BMPER: variants seen among roughly 807,000 people sequenced by gnomAD.
BMPER encodes BMP binding endothelial regulator.
Under a neutral mutation model 87.3 loss-of-function variants are expected in BMPER, and 45 were observed. The observed-to-expected ratio is 0.52, with a 90% CI of 0.41 to 0.66. The LOEUF is 0.66. Among genes scored for constraint, BMPER ranks in the 30% least tolerant of loss-of-function variants. BMPER has a pLI of 0.00. For synonymous variants in BMPER, 326 were observed against 316.2 expected, an observed-to-expected ratio of 1.03 and a Z score of -0.33; for missense variants, 784 against 867.5, an observed-to-expected ratio of 0.90 and a Z score of 1.21.
chr7:34,032,679 T>C (rs1046327051), intron 6 of BMPER, among the ~76,000 whole-genome samples: 3 of 152,186 alleles, frequency 2.0e-5, no homozygotes, highest in African/African-American at 7.2e-5. Context: ...AACAATTTTG[T>C]TTCAAACACT....
chr7:34,072,384 C>T (rs909695951), intron 11 of BMPER, among the ~76,000 whole-genome samples: 2 of 151,708 alleles, frequency 1.3e-5, no homozygotes, highest in African/African-American at 2.4e-5. Flanking sequence ...GGGCTAAAAT[C>T]GAGGTGTCAG....
chr7:33,968,227 C>T (rs1785453288), intron 4 of BMPER, among the ~76,000 whole-genome samples: 1 of 152,178 alleles, frequency 6.6e-6, no homozygotes, highest in African/African-American at 2.4e-5. Context: ...CTTTCTAAAA[C>T]CTTGCCTGTG....
Position 33,939,943 on chromosome 7 carries a change from G to A in BMPER, c.319+2555G>A, listed in dbSNP as rs141058401. ...CCTTTGTTTTCTCTCTTTCTACCTC[G>A]TAATACAGTGCTTGTCTCAAGGGTT... On this transcript the variant is annotated intron_variant, in intron 3 of 14. Transcript: ENST00000649409. 1,241 of 295,920 alleles carry A rather than the reference G, an allele frequency of 4.2e-3. 16 individuals carry two copies. The highest frequency in any genetic ancestry group is 0.022 in the African/African-American group (1,010 of 45,752). The allele number at this position is 295,920 out of a possible 1,614,324, so 18.3% of individuals were successfully genotyped here. A position where few individuals can be genotyped will look rare whatever the true frequency, so the allele number is the denominator to read the frequency against.
At chr7:34,126,898 G>A (rs1173211231) in intron 13 of BMPER, among the ~76,000 whole-genome samples, 2 of 152,152 alleles carry the variant, frequency 1.3e-5, no homozygotes, top group Admixed American at 1.3e-4. Context: ...CATCCTATGA[G>A]TGACTAAGCA....
At chr7:34,039,010 C>T (rs953488111) in intron 6 of BMPER, among the ~76,000 whole-genome samples, 3 of 152,192 alleles carry the variant, frequency 2.0e-5, no homozygotes, top group Admixed American at 6.5e-5. Context: ...TGTCTCCACC[C>T]GCACTGTTTC....
chr7:34,051,827 G>T, intron 7 of BMPER, 34 bp from the exon 8 acceptor site: 2 of 1,547,520 alleles, frequency 1.3e-6, no homozygotes, highest in South Asian at 2.2e-5. Context: ...CCCCGATTCT[G>T]TCTTACTTAC....
chr7:34,131,602 G>C (rs1411316620), intron 13 of BMPER, among the ~76,000 whole-genome samples: 1 of 152,198 alleles, frequency 6.6e-6, no homozygotes, highest in Non-Finnish European at 1.5e-5. Flanking sequence ...GGTGACTGCT[G>C]CGTGTGGCTG....
chr7:34,087,193 G>A (rs80205324), intron 13 of BMPER, among the ~76,000 whole-genome samples: 2,048 of 152,222 alleles, frequency 0.013, 42 homozygotes, highest in African/African-American at 0.045. Flanking sequence ...ATTTGGCTCC[G>A]AGTCATGGGT....
chr7:34,031,631 T>C (rs1372358795), intron 6 of BMPER, among the ~76,000 whole-genome samples: 1 of 151,706 alleles, frequency 6.6e-6, no homozygotes, highest in Non-Finnish European at 1.5e-5. Flanking sequence ...AAATATACTT[T>C]GACTGGCTAA....
At chr7:34,111,471 G>A (rs1288761306) in intron 13 of BMPER, among the ~76,000 whole-genome samples, 1 of 152,210 alleles carries the variant, frequency 6.6e-6, no homozygotes, top group Admixed American at 6.5e-5. Context: ...CAGTCATTTG[G>A]AGGCAGTTGG....
chr7:34,078,421 T>G (rs572655085), intron 11 of BMPER, among the ~76,000 whole-genome samples: 6 of 152,182 alleles, frequency 3.9e-5, no homozygotes, highest in Non-Finnish European at 7.3e-5. Context: ...TGTTTCTAAT[T>G]TTTTTGAATT....
At chr7:34,039,603 TACACACACACACACAC>T (rs56214614) in intron 6 of BMPER, among the ~76,000 whole-genome samples, 6 of 142,574 alleles carry the variant, frequency 4.2e-5, no homozygotes, top group Non-Finnish European at 3.1e-5. Flanking sequence ...GACACACAAA[TACACACACACACACAC>T]ACACACACAC....
chr7:34,023,909 A>G (rs552143197), intron 6 of BMPER, among the ~76,000 whole-genome samples: 1 of 152,146 alleles, frequency 6.6e-6, no homozygotes, highest in South Asian at 2.1e-4. Flanking sequence ...ATGTAAAAGA[A>G]TATGTTGGTA....
intron 5 of BMPER, among the ~76,000 whole-genome samples, 160 bp downstream of exon 5, chr7:33,970,579 G>T (rs373741873): frequency 6.6e-5 from 10 of 152,158 alleles, no homozygotes; most frequent in African/African-American, 2.4e-4. Context: ...CCGCTTGGCT[G>T]CCTCGGTGTG....
intron 2 of BMPER, among the ~76,000 whole-genome samples, chr7:33,935,304 C>T (rs1784575866): frequency 6.6e-6 from 1 of 152,072 alleles, no homozygotes; most frequent in South Asian, 2.1e-4. Flanking sequence ...AGCTCAGCCC[C>T]AGTGGCCACA....
At chr7:34,110,620 A>G (rs1489141467) in intron 13 of BMPER, among the ~76,000 whole-genome samples, 1 of 152,120 alleles carries the variant, frequency 6.6e-6, no homozygotes, top group Non-Finnish European at 1.5e-5. Context: ...AATCTGTACA[A>G]ATGGATTTAG....
intron 6 of BMPER, among the ~76,000 whole-genome samples, chr7:33,988,324 A>G (rs1436990693): frequency 6.6e-6 from 1 of 152,194 alleles, no homozygotes; most frequent in Non-Finnish European, 1.5e-5. Context: ...GGGACTCTTG[A>G]GAATTTTGGA....
chr7:34,121,430 A>G (rs1303528075), intron 13 of BMPER, among the ~76,000 whole-genome samples: 1 of 152,210 alleles, frequency 6.6e-6, no homozygotes, highest in Admixed American at 6.5e-5. Context: ...AATGTTTATA[A>G]TTTCAAAGTG....
At chr7:34,129,682 A>AAGAAAGAAAGAAAGAAAGAAAGAG (rs1489828774) in intron 13 of BMPER, among the ~76,000 whole-genome samples, 3 of 151,500 alleles carry the variant, frequency 2.0e-5, no homozygotes, top group South Asian at 2.1e-4. Flanking sequence ...GAAAGAAAGA[A>AAGAAAGAAAGAAAGAAAGAAAGAG]AACCTGCCAT....
Sources: allele counts gnomAD v4.1 joint callset (sites outside exome capture counted in the v4.1 genomes callset), GRCh38; gene constraint gnomAD v4.1.1; transcripts MANE v1.5; gene names NCBI Gene and HGNC (gene_info 2026-07-23, HGNC 2026-07-21).